Variants in PTPRD observed in about 807,000 individuals in gnomAD.
PTPRD encodes the protein protein tyrosine phosphatase receptor type D, also known as receptor-type tyrosine-protein phosphatase delta.
In PTPRD, 34 loss-of-function variants were observed where a neutral mutation model predicts 214.5. The ratio of observed to expected loss-of-function variants is 0.16; its 90% CI spans 0.12 to 0.21. PTPRD has a LOEUF of 0.21. Ranked by LOEUF, PTPRD falls within the 10% of genes least tolerant of loss-of-function variation. The pLI, the probability that PTPRD is intolerant of heterozygous loss-of-function variation, is 1.00. For synonymous variants in PTPRD, 1,128 were observed against 845.7 expected, an observed-to-expected ratio of 1.33 and a Z score of -5.79; for missense variants, 2,545 against 2,398.7, an observed-to-expected ratio of 1.06 and a Z score of -1.27.
chr9:9,681,743 A>C, intron 7 of PTPRD, among the ~76,000 whole-genome samples: 1 of 151,788 alleles, frequency 6.6e-6, no homozygotes, highest in East Asian at 1.9e-4. Flanking sequence ...TTGAATGTTG[A>C]GACTAGCAGT....
At chr9:10,186,334 A>G (rs2099330123) in intron 3 of PTPRD, among the ~76,000 whole-genome samples, 1 of 152,142 alleles carries the variant, frequency 6.6e-6, no homozygotes, top group South Asian at 2.1e-4. Flanking sequence ...TTATTGTTGT[A>G]TAGATTAAAT....
At chr9:9,560,018 C>G (rs1346226926) in intron 8 of PTPRD, among the ~76,000 whole-genome samples, 2 of 152,184 alleles carry the variant, frequency 1.3e-5, no homozygotes, top group East Asian at 3.9e-4. Flanking sequence ...TCCGGTGCCC[C>G]CTCAAGTCGG....
chr9:9,988,435 T>A (rs2095797756), intron 4 of PTPRD, among the ~76,000 whole-genome samples: 1 of 152,146 alleles, frequency 6.6e-6, no homozygotes, highest in Admixed American at 6.5e-5. Context: ...AGCATGCAGC[T>A]CAAACTGATT....
At chr9:9,619,696 T>C (rs1440083238) in intron 7 of PTPRD, among the ~76,000 whole-genome samples, 4 of 145,708 alleles carry the variant, frequency 2.7e-5, no homozygotes, top group Admixed American at 1.4e-4. Context: ...AATATTTCTA[T>C]ATAGAAATAT....
At chr9:8,910,227 C>A (rs1042305333) in intron 11 of PTPRD, among the ~76,000 whole-genome samples, 1 of 151,746 alleles carries the variant, frequency 6.6e-6, no homozygotes, top group African/African-American at 2.4e-5. Flanking sequence ...TTAGTAGAGA[C>A]GGGATTTCAC....
intron 7 of PTPRD, among the ~76,000 whole-genome samples, chr9:9,639,061 C>G (rs990737397): frequency 6.6e-6 from 1 of 152,184 alleles, no homozygotes; most frequent in African/African-American, 2.4e-5. Flanking sequence ...CCAACACATA[C>G]ATTTTGGAGG....
At chr9:8,829,269 T>C (rs2097237234) in intron 11 of PTPRD, among the ~76,000 whole-genome samples, 1 of 152,168 alleles carries the variant, frequency 6.6e-6, no homozygotes, top group African/African-American at 2.4e-5. Flanking sequence ...TATCCAGTCA[T>C]CCTCCTCTTC....
At chr9:9,934,525 G>C (rs1276469468) in intron 5 of PTPRD, among the ~76,000 whole-genome samples, 1 of 150,674 alleles carries the variant, frequency 6.6e-6, no homozygotes, top group East Asian at 2.0e-4. Flanking sequence ...GACTAAACCA[G>C]GAAGAAGTTG....
At chr9:8,449,586 G>C (rs781143782) in intron 34 of PTPRD, 139 bp downstream of exon 34, 60 of 732,822 alleles carry the variant, frequency 8.2e-5, no homozygotes, top group Non-Finnish European at 1.2e-4. Flanking sequence ...GCTTGGGCAA[G>C]TCTCCATAAT....
At chr9:10,317,103 AC>A (rs1385500901) in intron 3 of PTPRD, among the ~76,000 whole-genome samples, 1 of 151,958 alleles carries the variant, frequency 6.6e-6, no homozygotes, top group African/African-American at 2.4e-5. Flanking sequence ...TTCCCTTGTG[AC>A]ACTGGCTATT....
intron 8 of PTPRD, among the ~76,000 whole-genome samples, chr9:9,516,076 C>A (rs1435771774): frequency 6.6e-6 from 1 of 152,050 alleles, no homozygotes; most frequent in South Asian, 2.1e-4. Flanking sequence ...CCTTCAAGTT[C>A]TTGGGATAAT....
At chr9:8,791,256 C>T (rs1388249452) in intron 11 of PTPRD, among the ~76,000 whole-genome samples, 2 of 151,848 alleles carry the variant, frequency 1.3e-5, no homozygotes, top group Non-Finnish European at 2.9e-5. Flanking sequence ...GACAGAGTCT[C>T]GCTCTGTTGC....
chr9:8,897,591 A>G (rs72704379), intron 11 of PTPRD, among the ~76,000 whole-genome samples: 17,515 of 152,182 alleles, frequency 0.12, 1,397 homozygotes, highest in East Asian at 0.28. Flanking sequence ...AACAACACAG[A>G]CAAGGATTTC....
At chr9:9,297,447 C>T (rs1395082631) in intron 9 of PTPRD, among the ~76,000 whole-genome samples, 1 of 151,336 alleles carries the variant, frequency 6.6e-6, no homozygotes, top group African/African-American at 2.4e-5. Flanking sequence ...GAGTTTAAAA[C>T]ATTGAAACAA....
intron 2 of PTPRD, among the ~76,000 whole-genome samples, chr9:10,473,182 G>GTGAA (rs2099042109): frequency 7.7e-4 from 2 of 2,606 alleles, no homozygotes; most frequent in African/African-American, 3.8e-3. Context: ...TCAAACAGCT[G>GTGAA]TAATTTTGTC....
chr9:9,988,282 G>T (rs1237907898), intron 4 of PTPRD, among the ~76,000 whole-genome samples: 1 of 152,124 alleles, frequency 6.6e-6, no homozygotes, highest in Non-Finnish European at 1.5e-5. Context: ...ATGAAATTAT[G>T]TTAGTTATTT....
intron 9 of PTPRD, among the ~76,000 whole-genome samples, chr9:9,222,770 C>T (rs117427207): frequency 0.016 from 2,383 of 151,894 alleles, 30 homozygotes; most frequent in Middle Eastern, 0.054. Flanking sequence ...AAGTGAACTG[C>T]GAATAAAAGT....
intron 8 of PTPRD, among the ~76,000 whole-genome samples, chr9:9,554,525 A>C (rs539475774): frequency 3.9e-5 from 6 of 152,066 alleles, no homozygotes; most frequent in African/African-American, 1.4e-4. Context: ...GTAGGGTTAA[A>C]TATCTTGAAA....
intron 7 of PTPRD, among the ~76,000 whole-genome samples, chr9:9,694,590 G>A (rs1050810423): frequency 9.2e-5 from 14 of 151,954 alleles, no homozygotes; most frequent in South Asian, 4.2e-4. Context: ...GATGCTGTCC[G>A]GAAGCCAGGG....
Sources: allele counts gnomAD v4.1 joint callset (sites outside exome capture counted in the v4.1 genomes callset), GRCh38; gene constraint gnomAD v4.1.1; transcripts MANE v1.5; gene names NCBI Gene and HGNC (gene_info 2026-07-23, HGNC 2026-07-21).